ARHGAP15: variants seen among roughly 807,000 people sequenced by gnomAD.
The protein encoded by ARHGAP15 is Rho GTPase activating protein 15.
In ARHGAP15, 51 loss-of-function variants were observed where a neutral mutation model predicts 63.7. That is an observed-to-expected ratio of 0.80 (90% CI 0.64 to 1.01). The LOEUF (loss-of-function observed/expected upper bound fraction) is 1.01. ARHGAP15 is among the 50% of genes least tolerant of loss of function. ARHGAP15 has a pLI of 0.00. For missense variants in ARHGAP15, 560 were observed against 564.6 expected (o/e 0.99, Z 0.08); for synonymous variants, 191 against 193.8 (o/e 0.99, Z 0.12).
chr2:143,534,709 T>C (rs1408199171), intron 10 of ARHGAP15, among the ~76,000 whole-genome samples: 2 of 151,876 alleles, frequency 1.3e-5, no homozygotes, highest in Non-Finnish European at 2.9e-5. Flanking sequence ...CAAAACACTG[T>C]CTGTACAAAA....
intron 11 of ARHGAP15, among the ~76,000 whole-genome samples, chr2:143,605,644 AAAGT>A (rs1316989926): frequency 6.6e-6 from 1 of 151,906 alleles, no homozygotes; most frequent in Non-Finnish European, 1.5e-5. Flanking sequence ...CGCGGCATTT[AAAGT>A]AAGAAATTTT....
At chr2:143,440,043 T>G (rs1342790121) in intron 8 of ARHGAP15, among the ~76,000 whole-genome samples, 3 of 151,464 alleles carry the variant, frequency 2.0e-5, no homozygotes, top group Admixed American at 2.0e-4. Context: ...TTGTAAGCCT[T>G]TTTTTTTAGG....
At chr2:143,392,481 C>A (rs1008018256) in intron 6 of ARHGAP15, among the ~76,000 whole-genome samples, 5 of 152,064 alleles carry the variant, frequency 3.3e-5, no homozygotes, top group Non-Finnish European at 5.9e-5. Context: ...AGTGTTAAAT[C>A]CTACCTATAT....
At chr2:143,508,107 C>A (rs925351407) in intron 9 of ARHGAP15, among the ~76,000 whole-genome samples, 4 of 152,084 alleles carry the variant, frequency 2.6e-5, no homozygotes, top group Admixed American at 6.6e-5. Context: ...TTCCTGTGAC[C>A]TATAGGGTCC....
chr2:143,153,837 T>TTCCTCTTCC (rs1689953792), intron 1 of ARHGAP15, among the ~76,000 whole-genome samples: 1 of 72,200 alleles, frequency 1.4e-5, no homozygotes, highest in African/African-American at 5.6e-5. Flanking sequence ...CTTCTTCTTC[T>TTCCTCTTCC]TCTTCTTCCT....
Position 143,733,462 on chromosome 2 carries a change from T to A in ARHGAP15, c.1244+29938T>A, listed in dbSNP as rs959986310. On this transcript the variant is annotated intron_variant, in intron 13 of 13. Coordinates refer to ENST00000295095, the MANE Select transcript of ARHGAP15 (RefSeq NM_018460.4). ...GGCCCTTCAAAAGTAAAATAATCTG[T>A]GTGGATTGAGGATTTGGTACCCAAG... Among the ~76,000 whole-genome samples, 49 of 152,146 alleles carry A rather than the reference T, an allele frequency of 3.2e-4. 1 individual carries two copies. Among genetic ancestry groups the A allele is most frequent in the Non-Finnish European group, 6.9e-4 (47 of 68,016 alleles).
intron 12 of ARHGAP15, among the ~76,000 whole-genome samples, chr2:143,653,748 T>G (rs13431916): frequency 0.021 from 3,215 of 152,228 alleles, 116 homozygotes; most frequent in African/African-American, 0.074. Context: ...TTCTTAATTG[T>G]GTTTGTATAG....
At chr2:143,621,630 T>G (rs1443080839) in intron 11 of ARHGAP15, among the ~76,000 whole-genome samples, 3 of 152,218 alleles carry the variant, frequency 2.0e-5, no homozygotes, top group Non-Finnish European at 4.4e-5. Flanking sequence ...ATTATTATTA[T>G]TTCTTTAAAT....
chr2:143,453,556 T>C (rs1309469792), intron 8 of ARHGAP15, among the ~76,000 whole-genome samples: 1 of 152,024 alleles, frequency 6.6e-6, no homozygotes, highest in Non-Finnish European at 1.5e-5. Context: ...CCTAATTTGG[T>C]TAAGAAAATG....
intron 12 of ARHGAP15, among the ~76,000 whole-genome samples, chr2:143,643,452 TAG>T (rs1375327192): frequency 8.1e-6 from 1 of 123,340 alleles, no homozygotes; most frequent in African/African-American, 3.0e-5. Flanking sequence ...AAAAAAGTTA[TAG>T]AGTGTTACTG....
chr2:143,401,176 TA>T (rs1198110157), intron 6 of ARHGAP15, among the ~76,000 whole-genome samples: 2 of 152,054 alleles, frequency 1.3e-5, no homozygotes, highest in South Asian at 4.2e-4. Context: ...GCAGGATTAA[TA>T]ATTTCTTTTT....
intron 9 of ARHGAP15, among the ~76,000 whole-genome samples, chr2:143,500,131 G>A (rs1241754888): frequency 6.6e-6 from 1 of 151,556 alleles, no homozygotes; most frequent in Admixed American, 6.6e-5. Flanking sequence ...TAAGAGTTAG[G>A]TGTGCTCATT....
At chr2:143,534,456 T>G (rs964690277) in intron 10 of ARHGAP15, among the ~76,000 whole-genome samples, 1 of 152,132 alleles carries the variant, frequency 6.6e-6, no homozygotes, top group Non-Finnish European at 1.5e-5. Flanking sequence ...AGGAGAGTGA[T>G]ACGGTGAGAG....
chr2:143,253,478 C>G (rs936277708), intron 6 of ARHGAP15, among the ~76,000 whole-genome samples: 1 of 151,996 alleles, frequency 6.6e-6, no homozygotes, highest in Non-Finnish European at 1.5e-5. Context: ...AAACTGTTGA[C>G]ATGGACTGAA....
chr2:143,717,094 C>T (rs968731741), intron 13 of ARHGAP15, among the ~76,000 whole-genome samples: 1 of 152,234 alleles, frequency 6.6e-6, no homozygotes, highest in African/African-American at 2.4e-5. Flanking sequence ...TGCATATATA[C>T]ACTTAGAGCA....
chr2:143,761,056 A>C (rs1176252979), intron 13 of ARHGAP15, among the ~76,000 whole-genome samples: 1 of 152,166 alleles, frequency 6.6e-6, no homozygotes, highest in Non-Finnish European at 1.5e-5. Context: ...AGAAGGTGGA[A>C]TTTCTGCTAA....
In ARHGAP15 at chr2:143,498,146, A is replaced by T. The variant is rs187837288; in HGVS notation, c.826+10651A>T. On this transcript the variant is annotated intron_variant, in intron 9 of 13. Transcript: ENST00000295095. ...GTCTATTATAAATCAACAACATTTC[A>T]TAAATTTCTAAGATTCAAAAAAAAC... Among the ~76,000 whole-genome samples, 451 of 152,316 alleles carry T rather than the reference A, an allele frequency of 3.0e-3. 4 individuals are homozygous for T. Among genetic ancestry groups the T allele is most frequent in the African/African-American group, 0.01 (435 of 41,562 alleles).
At chr2:143,637,607 C>G (rs1010054142) in intron 12 of ARHGAP15, among the ~76,000 whole-genome samples, 31 of 151,952 alleles carry the variant, frequency 2.0e-4, no homozygotes, top group African/African-American at 6.5e-4. Flanking sequence ...GTTTGTCTTC[C>G]AAGTCCATAT....
intron 10 of ARHGAP15, among the ~76,000 whole-genome samples, chr2:143,547,579 AAT>A (rs895037335): frequency 7.2e-6 from 1 of 138,976 alleles, no homozygotes; most frequent in South Asian, 2.4e-4. Context: ...AAAAAAAAAA[AAT>A]TGGTTAGATA....
Sources: gnomAD v4.1 joint callset for allele counts (sites outside exome capture counted in the v4.1 genomes callset) on GRCh38, gnomAD v4.1.1 for gene constraint, MANE v1.5 for transcripts, NCBI Gene and HGNC (gene_info 2026-07-23, HGNC 2026-07-21) for gene names.